NTRK2: variants seen among roughly 807,000 people sequenced by gnomAD.
NTRK2 encodes neurotrophic receptor tyrosine kinase 2.
In NTRK2, 13 loss-of-function variants were observed where a neutral mutation model predicts 94.5. The observed-to-expected ratio is 0.14, with a 90% CI of 0.09 to 0.22. The LOEUF (loss-of-function observed/expected upper bound fraction) is 0.22. Among genes scored for constraint, NTRK2 ranks in the 10% least tolerant of loss-of-function variants. NTRK2 has a pLI of 1.00. For synonymous variants in NTRK2, 372 were observed against 407.4 expected (o/e 0.91, Z 1.05); for missense variants, 639 against 1,071.2 (o/e 0.60, Z 5.63).
intron 17 of NTRK2, among the ~76,000 whole-genome samples, chr9:85,018,468 C>A (rs908646119): frequency 6.6e-6 from 1 of 152,186 alleles, no homozygotes; most frequent in Admixed American, 6.5e-5. Flanking sequence ...AAGCAGTCCT[C>A]TCCTTGGCAT....
At chr9:84,875,569 T>C in intron 14 of NTRK2, 2 of 1,062,890 alleles carry the variant, frequency 1.9e-6, no homozygotes, top group South Asian at 9.1e-5. Flanking sequence ...AAGAGCCGAG[T>C]ATGCTGGATC....
Position 84,978,680 on chromosome 9 carries a change from T to C in NTRK2, c.2172+23163T>C, listed in dbSNP as rs1353997156. Among the ~76,000 whole-genome samples the C allele has an allele frequency of 5.9e-5, 9 of 152,300 alleles. No individual in the cohort carries two copies. The South Asian group carries it at 8.3e-4, about 14-fold the overall frequency. On this transcript the variant is annotated intron_variant, in intron 17 of 18. Coordinates refer to ENST00000277120, the MANE Select transcript of NTRK2 (RefSeq NM_006180.6). ...TCAATGTAGACAAAACAGCCTTCTA[T>C]TGAAAGAGGATGCCATCTGGGCTAT...
In NTRK2 at chr9:84,741,937, G is replaced by T; in HGVS notation, c.1195+10G>T. 1 of 1,608,176 alleles carries T rather than the reference G, an allele frequency of 6.2e-7. No homozygotes were observed. On this transcript the variant is annotated intron_variant, in intron 10 of 18. Transcript: ENST00000277120. ...GATGTAATTTATGAAGGTAGCTATC[G>T]TGTTTTCTACTTTGTATTTCTTTTT...
chr9:84,791,579 G>GT (rs2068739781), intron 12 of NTRK2, among the ~76,000 whole-genome samples: 1 of 152,116 alleles, frequency 6.6e-6, no homozygotes, highest in African/African-American at 2.4e-5. Flanking sequence ...AACACATGTG[G>GT]TTTCCAGTCA....
chr9:84,684,733 G>A (rs564930256), intron 2 of NTRK2, among the ~76,000 whole-genome samples: 27 of 152,206 alleles, frequency 1.8e-4, no homozygotes, highest in Non-Finnish European at 3.5e-4. Context: ...TGTATTTTGC[G>A]ATTATGTAAT....
chr9:84,931,790 T>C (rs971480012), intron 14 of NTRK2, among the ~76,000 whole-genome samples: 2 of 150,316 alleles, frequency 1.3e-5, no homozygotes, highest in African/African-American at 4.9e-5. Context: ...GTAAATCAAG[T>C]GGGAATTTAA....
intron 14 of NTRK2, among the ~76,000 whole-genome samples, chr9:84,883,653 A>G (rs2076331166): frequency 6.6e-6 from 1 of 152,224 alleles, no homozygotes; most frequent in East Asian, 1.9e-4. Context: ...GATGAGAAGA[A>G]TCTACTGATT....
At chr9:84,851,336 C>T (rs1022524235) in intron 12 of NTRK2, among the ~76,000 whole-genome samples, 1 of 152,172 alleles carries the variant, frequency 6.6e-6, no homozygotes, top group Non-Finnish European at 1.5e-5. Context: ...GTTTAGTTTC[C>T]TTCCACTGAC....
At chr9:84,723,794 T>C (rs1811663516) in intron 7 of NTRK2, 85 bp downstream of exon 7, 2 of 1,554,618 alleles carry the variant, frequency 1.3e-6, no homozygotes, top group Non-Finnish European at 1.8e-6. Context: ...TGATGATCAT[T>C]TGATATTTTA....
intron 15 of NTRK2, among the ~76,000 whole-genome samples, chr9:84,943,445 A>AAT (rs1158917868): frequency 6.6e-6 from 1 of 152,148 alleles, no homozygotes; most frequent in Non-Finnish European, 1.5e-5. Context: ...ATTCTGAATC[A>AAT]ATATGTACTC....
At chr9:85,016,228 C>A (rs186799395) in intron 17 of NTRK2, among the ~76,000 whole-genome samples, 1 of 152,256 alleles carries the variant, frequency 6.6e-6, no homozygotes, top group Admixed American at 6.5e-5. Flanking sequence ...AGAAGCCAGA[C>A]CTGAGGGTAC....
At chr9:84,812,921 G>T (rs979901934) in intron 12 of NTRK2, 1 of 1,033,068 alleles carries the variant, frequency 9.7e-7, no homozygotes, top group African/African-American at 1.7e-5. Context: ...CAGGCTATTA[G>T]AAAATTATTT....
chr9:84,727,552 A>G, intron 8 of NTRK2, 102 bp from the exon 9 acceptor site: 2 of 1,189,110 alleles, frequency 1.7e-6, no homozygotes, highest in Non-Finnish European at 2.4e-6. Flanking sequence ...TTTCTAAGCC[A>G]AACAATGGTT....
chr9:84,678,973 A>T (rs2059228793), intron 2 of NTRK2, among the ~76,000 whole-genome samples: 1 of 152,144 alleles, frequency 6.6e-6, no homozygotes, highest in African/African-American at 2.4e-5. Context: ...GTGGGAGTTG[A>T]TTAGGACATA....
chr9:84,806,301 G>T (rs944330313), intron 12 of NTRK2, among the ~76,000 whole-genome samples: 3 of 152,242 alleles, frequency 2.0e-5, no homozygotes, highest in Admixed American at 2.0e-4. Context: ...ACTTGCAGGA[G>T]AAGGCTTTTG....
At chr9:84,706,244 G>A (rs1224442325) in intron 4 of NTRK2, among the ~76,000 whole-genome samples, 1 of 152,184 alleles carries the variant, frequency 6.6e-6, no homozygotes, top group Non-Finnish European at 1.5e-5. Flanking sequence ...CCCTGTGTAG[G>A]TAGGGGTTTG....
At chr9:84,956,471 C>T (rs1376853561) in intron 17 of NTRK2, among the ~76,000 whole-genome samples, 4 of 152,050 alleles carry the variant, frequency 2.6e-5, no homozygotes, top group Admixed American at 6.5e-5. Flanking sequence ...AGTGAAGATT[C>T]GGGGTGGTGT....
chr9:84,901,524 G>A (rs1038363343), intron 14 of NTRK2, among the ~76,000 whole-genome samples: 10 of 152,118 alleles, frequency 6.6e-5, no homozygotes, highest in East Asian at 1.9e-4. Context: ...TAGCCACCGC[G>A]CCCGACCATA....
intron 12 of NTRK2, among the ~76,000 whole-genome samples, chr9:84,797,427 C>A (rs955204740): frequency 6.8e-6 from 1 of 146,598 alleles, no homozygotes; most frequent in Non-Finnish European, 1.5e-5. Flanking sequence ...TGGGGGATTC[C>A]GTGAAAGCTG....
Sources: allele counts gnomAD v4.1 joint callset (sites outside exome capture counted in the v4.1 genomes callset), GRCh38; gene constraint gnomAD v4.1.1; transcripts MANE v1.5; gene names NCBI Gene and HGNC (gene_info 2026-07-23, HGNC 2026-07-21).